Variants in CFAP52 observed in about 807,000 individuals in gnomAD.
CFAP52 encodes the protein cilia and flagella associated protein 52.
In CFAP52, 57 loss-of-function variants were observed where a neutral mutation model predicts 70.5. The observed-to-expected ratio is 0.81, with a 90% CI of 0.65 to 1.01. CFAP52 has a LOEUF of 1.01. Ranked by LOEUF, CFAP52 falls within the 50% of genes least tolerant of loss-of-function variation. The probability of loss-of-function intolerance (pLI) is 0.00; values close to 1 mark genes in which losing one functional copy is unlikely to be tolerated. For missense variants in CFAP52, 785 were observed against 788.5 expected (o/e 1.00, Z 0.05); for synonymous variants, 267 against 292.5 (o/e 0.91, Z 0.89).
intron 9 of CFAP52, among the ~76,000 whole-genome samples, chr17:9,629,496 T>TTTCTTTC (rs375629381): frequency 0.013 from 1,835 of 146,408 alleles, 20 homozygotes; most frequent in African/African-American, 0.034. Context: ...TCTTTCTTTC[T>TTTCTTTC]TTTCTTTTCT....
chr17:9,579,029 G>T (rs952663269), intron 1 of CFAP52, among the ~76,000 whole-genome samples: 20 of 152,268 alleles, frequency 1.3e-4, no homozygotes, highest in South Asian at 8.3e-4. Flanking sequence ...TGGGAACTCT[G>T]CTTTAAGGTG....
intron 1 of CFAP52, among the ~76,000 whole-genome samples, chr17:9,580,134 A>T (rs1028496914): frequency 4.6e-5 from 7 of 152,210 alleles, no homozygotes; most frequent in Non-Finnish European, 1.0e-4. Flanking sequence ...TCTACAAACT[A>T]TAGCCCATGG....
chr17:9,640,061 GA>G (rs151198307), intron 12 of CFAP52, among the ~76,000 whole-genome samples: 2 of 151,950 alleles, frequency 1.3e-5, no homozygotes, highest in South Asian at 2.1e-4. Flanking sequence ...CAAAGCAAAA[GA>G]AAAAAATTAA....
chr17:9,631,052 G>GAAAGAA (rs1555544296), intron 9 of CFAP52, among the ~76,000 whole-genome samples: 944 of 37,942 alleles, frequency 0.025, 38 homozygotes, highest in Non-Finnish European at 0.027. Flanking sequence ...GAGAGAGAGA[G>GAAAGAA]AGAAAGAAAG....
intron 7 of CFAP52, among the ~76,000 whole-genome samples, chr17:9,608,489 A>G (rs932068406): frequency 2.0e-5 from 3 of 152,234 alleles, no homozygotes; most frequent in African/African-American, 4.8e-5. Flanking sequence ...TTTAGCTAAC[A>G]CATTGAGCCA....
intron 2 of CFAP52, 108 bp from the exon 3 acceptor site, chr17:9,586,588 AAG>A: frequency 7.3e-7 from 1 of 1,371,556 alleles, no homozygotes; most frequent in Non-Finnish European, 9.6e-7. Flanking sequence ...AAAAAAAAGA[AAG>A]AAAAAAGAAA....
At chr17:9,589,637 G>A (rs1258368542) in intron 3 of CFAP52, among the ~76,000 whole-genome samples, 2 of 151,878 alleles carry the variant, frequency 1.3e-5, no homozygotes, top group African/African-American at 4.8e-5. Flanking sequence ...GGAGGCTGAG[G>A]CAGGAGAATT....
In CFAP52 at chr17:9,594,264, A is replaced by G. The variant is rs776539772; in HGVS notation, c.479A>G (p.Asn160Ser). ...GSPAAGLNVG[N>S]ATNVIFSRCR... ...CCTGCAGCCGGCCTCAATGTTGGCAATGCCACCAATGTGATCTTCTCCAGG... is the reference window on the plus strand; with the variant it reads ...CCTGCAGCCGGCCTCAATGTTGGCAGTGCCACCAATGTGATCTTCTCCAGG... Residue 160 changes from asparagine to serine, a missense_variant, in exon 4 of 14, where the codon AAT becomes AGT. By Grantham distance (46) the Asn-to-Ser change is conservative (BLOSUM62 1). Transcript: ENST00000352665. The G allele has an allele frequency of 3.1e-6, 5 of 1,614,006 alleles. No homozygotes were observed. The South Asian group carries it at 3.3e-5, about 11-fold the overall frequency.
intron 5 of CFAP52, among the ~76,000 whole-genome samples, chr17:9,598,946 C>T (rs1357811204): frequency 6.6e-6 from 1 of 152,082 alleles, no homozygotes; most frequent in Non-Finnish European, 1.5e-5. Context: ...GCCCACAGCA[C>T]ATTCCTATGC....
intron 12 of CFAP52, 48 bp from the exon 13 acceptor site, chr17:9,641,676 G>T: frequency 7.1e-7 from 1 of 1,400,154 alleles, no homozygotes; most frequent in South Asian, 1.2e-5. Context: ...GTGCATGGAT[G>T]ACTCTCCTGA....
At chr17:9,614,138 CTTTTTCTTTTCTTTCTTTCT>C (rs1354524584) in intron 8 of CFAP52, among the ~76,000 whole-genome samples, 1 of 144,642 alleles carries the variant, frequency 6.9e-6, no homozygotes, top group African/African-American at 2.5e-5. Context: ...TTTTCCTTTT[CTTTTTCTTTTCTTTCTTTCT>C]TTTTTTTTTT....
intron 6 of CFAP52, among the ~76,000 whole-genome samples, chr17:9,603,339 G>C (rs867084185): frequency 3.9e-4 from 60 of 152,284 alleles, no homozygotes; most frequent in African/African-American, 1.4e-3. Flanking sequence ...CTCCAGAGTA[G>C]CTGGGACTAC....
Position 9,613,062 on chromosome 17 carries a change from G to A in CFAP52, c.1025+583G>A, listed in dbSNP as rs369729611. Among the ~76,000 whole-genome samples, 8 of 152,032 alleles carry A rather than the reference G, an allele frequency of 5.3e-5. 1 individual carries two copies. The East Asian group carries it at 5.8e-4, about 11-fold the overall frequency. On this transcript the variant is annotated intron_variant, in intron 8 of 13. Coordinates refer to ENST00000352665, the MANE Select transcript of CFAP52 (RefSeq NM_145054.5). Reference sequence around the variant, plus strand: ...GGTGAAGTGTATTAAGTGCATTTTCGACTTAGGATATTTTCAATTACATTG... The same window carrying A: ...GGTGAAGTGTATTAAGTGCATTTTCAACTTAGGATATTTTCAATTACATTG...
chr17:9,579,375 G>A (rs575309991), intron 1 of CFAP52, among the ~76,000 whole-genome samples: 49 of 152,180 alleles, frequency 3.2e-4, no homozygotes, highest in African/African-American at 1.2e-3. Flanking sequence ...GTTGCAGAAC[G>A]GCAAATAGCT....
At chr17:9,626,215 G>A (rs940128440) in intron 8 of CFAP52, among the ~76,000 whole-genome samples, 4 of 152,152 alleles carry the variant, frequency 2.6e-5, no homozygotes, top group East Asian at 1.9e-4. Flanking sequence ...GCCATCAAGT[G>A]TAGAGAGTTT....
intron 12 of CFAP52, among the ~76,000 whole-genome samples, chr17:9,641,123 C>T (rs1911037612): frequency 6.6e-6 from 1 of 152,194 alleles, no homozygotes; most frequent in South Asian, 2.1e-4. Flanking sequence ...AATCACCCTC[C>T]TTTAGGCACC....
Position 9,635,433 on chromosome 17 carries a change from C to T in CFAP52, c.1349C>T (p.Thr450Ile), listed in dbSNP as rs916341979. Residue 450 changes from threonine to isoleucine, a missense_variant, in exon 11 of 14, where the codon ACC (threonine) becomes ATC (isoleucine). Transcript: ENST00000352665. ...AGGGTATGGCAGATAGGCTGTCAGA[C>T]CCAGAAGCTGGAGGAGGCCCTGAAG... ...EVRVWQIGCQ[T>I]QKLEEALKEH... is the part of the protein sequence containing the mutation. The T allele has an allele frequency of 4.3e-6, 7 of 1,613,984 alleles. No homozygotes were observed. The highest frequency in any genetic ancestry group is 1.7e-5 in the Admixed American group (1 of 59,984).
At chr17:9,637,758 A>G (rs1910874314) in intron 11 of CFAP52, among the ~76,000 whole-genome samples, 1 of 152,226 alleles carries the variant, frequency 6.6e-6, no homozygotes, top group Non-Finnish European at 1.5e-5. Flanking sequence ...TATTTTTAGT[A>G]GAGACGGGGT....
At chr17:9,642,984 C>T (rs1911145925) in intron 13 of CFAP52, 39 bp from the exon 14 acceptor site, 5 of 1,507,554 alleles carry the variant, frequency 3.3e-6, no homozygotes, top group Middle Eastern at 1.7e-4. Context: ...TCTCTCTCTC[C>T]TATTGCAGCA....
Sources: allele counts gnomAD v4.1 joint callset (sites outside exome capture counted in the v4.1 genomes callset), GRCh38; gene constraint gnomAD v4.1.1; transcripts MANE v1.5; gene names NCBI Gene and HGNC (gene_info 2026-07-23, HGNC 2026-07-21).